The following STS variants were observed in gnomAD, a reference collection of about 807,000 sequenced individuals.
STS encodes steroid sulfatase.
In STS, 7 loss-of-function variants were observed where a neutral mutation model predicts 26.8. The ratio of observed to expected loss-of-function variants is 0.26; its 90% confidence interval spans 0.15 to 0.49. The LOEUF (loss-of-function observed/expected upper bound fraction) is 0.49. Ranked by LOEUF, STS falls within the 20% of genes least tolerant of loss-of-function variation. The pLI, the probability that STS is intolerant of heterozygous loss-of-function variation, is 0.98. For missense variants in STS, 434 were observed against 465.6 expected (o/e 0.93, Z 0.63); for synonymous variants, 199 against 189.4 (o/e 1.05, Z -0.42).
At chrX:7,260,894 T>A (rs1232573266) in intron 6 of STS, among the ~76,000 whole-genome samples, 2 of 111,910 alleles carry the variant, frequency 1.8e-5, no homozygotes, top group Non-Finnish European at 3.8e-5. Context: ...GAATGATGTC[T>A]CTTGGGTCTG....
chrX:7,335,215 C>G (rs780897399), intron 10 of STS, among the ~76,000 whole-genome samples: 8 of 110,070 alleles, frequency 7.3e-5, no homozygotes, highest in Middle Eastern at 4.7e-3. Context: ...CTAGTTTACA[C>G]TCCCACCAAC....
At chrX:7,260,859 C>T (rs1164077578) in intron 6 of STS, among the ~76,000 whole-genome samples, 1 of 111,872 alleles carries the variant, frequency 8.9e-6, no homozygotes, top group Admixed American at 9.5e-5. Context: ...AAAACAAAAA[C>T]CTCTGTGAGT....
intron 8 of STS, 101 bp from the exon 9 acceptor site, chrX:7,325,238 C>T (rs1448427712): frequency 9.7e-6 from 8 of 828,071 alleles, no homozygotes; most frequent in Non-Finnish European, 1.4e-5. Flanking sequence ...GTAATTAGAG[C>T]AGTTGGTTCT....
In STS at chrX:7,333,243, C is replaced by T. The variant is rs1354816921; in HGVS notation, c.1242-743C>T. On this transcript the variant is annotated intron_variant, in intron 9 of 10. Coordinates refer to ENST00000674429, the MANE Select transcript of STS (RefSeq NM_001320752.2). ...TAATGGTATCATGGCTTCAATTTCT[C>T]ATGTAGCTGTTAATTTATGTTTAAT... 5.3e-5 allele frequency among the ~76,000 whole-genome samples: 6 copies of T among 112,393 alleles called. No individual in the cohort carries two copies. In the Admixed American group the frequency reaches 5.6e-4, roughly 11 times the overall value.
At position 7,182,707 on chromosome X, in the gene STS, C is replaced by A. The variant is rs758902507; in HGVS notation, c.-133-8173C>A. Among the ~76,000 whole-genome samples, 10 of 110,915 alleles carry A rather than the reference C, an allele frequency of 9.0e-5. No individual in the cohort carries two copies. The South Asian group carries it at 3.9e-3, about 43-fold the overall frequency. The stretch of plus-strand genomic sequence containing the variant: ...TGACAAAAGACAGTGAGCTCCAAAT[C>A]AGCCTTGCCTTCCCTGTCTACCTCT... On this transcript the variant is annotated intron_variant, in intron 1 of 10. Transcript: ENST00000674429.
rs1039258892 is a variant in STS at position 7,204,234 on chromosome X, C to G, written c.-5+13226C>G. Among the ~76,000 whole-genome samples, 16 of 111,762 alleles carry G rather than the reference C, an allele frequency of 1.4e-4. 1 individual carries two copies. Among genetic ancestry groups the G allele is most frequent in the Non-Finnish European group, 2.6e-4 (14 of 53,123 alleles). On this transcript the variant is annotated intron_variant, in intron 2 of 10. Coordinates refer to ENST00000674429, the MANE Select transcript of STS (RefSeq NM_001320752.2). ...TCTAGTGTTTAATTTATTTTTTCTT[C>G]AAGTCTCCTACTTCTTAATTTTCTA...
chrX:7,339,221 T>A (rs1928172451), intron 10 of STS, among the ~76,000 whole-genome samples: 1 of 111,934 alleles, frequency 8.9e-6, no homozygotes, highest in Non-Finnish European at 1.9e-5. Flanking sequence ...ACTTGTCAGA[T>A]GCCCTTCCTC....
intron 2 of STS, among the ~76,000 whole-genome samples, chrX:7,240,515 G>A (rs1203289007): frequency 1.5e-4 from 2 of 13,752 alleles, no homozygotes; most frequent in African/African-American, 1.7e-4. Context: ...GTGTGTGTGT[G>A]TGTGTGTGTG....
intron 3 of STS, among the ~76,000 whole-genome samples, chrX:7,255,107 AAT>A (rs1244133533): frequency 8.9e-6 from 1 of 112,554 alleles, no homozygotes; most frequent in African/African-American, 3.2e-5. Flanking sequence ...GACATAGCCA[AAT>A]ATGTCTCACT....
At chrX:7,244,942 G>C (rs1287823884) in intron 2 of STS, among the ~76,000 whole-genome samples, 1 of 111,840 alleles carries the variant, frequency 8.9e-6, no homozygotes, top group Non-Finnish European at 1.9e-5. Context: ...TACATACTAA[G>C]CACCCAAAAA....
chrX:7,235,031 A>G (rs1922248607), intron 2 of STS, among the ~76,000 whole-genome samples: 1 of 111,745 alleles, frequency 8.9e-6, no homozygotes, highest in African/African-American at 3.3e-5. Context: ...CAGACTCCCC[A>G]GATTGTTTAG....
intron 2 of STS, among the ~76,000 whole-genome samples, chrX:7,230,396 G>A (rs1317803414): frequency 9.0e-6 from 1 of 111,499 alleles, no homozygotes; most frequent in Non-Finnish European, 1.9e-5. Flanking sequence ...TGTTCATAGC[G>A]GCATTATTCA....
chrX:7,179,047 T>C (rs1933630019), intron 1 of STS, among the ~76,000 whole-genome samples: 1 of 111,516 alleles, frequency 9.0e-6, no homozygotes, highest in African/African-American at 3.3e-5. Context: ...TGGCTTTCTC[T>C]AGTCCTCATG....
At chrX:7,292,032 A>T in intron 7 of STS, among the ~76,000 whole-genome samples, 1 of 112,428 alleles carries the variant, frequency 8.9e-6, no homozygotes, top group Non-Finnish European at 1.9e-5. Flanking sequence ...TAGAGAAAAC[A>T]AGCTTCTTTG....
At chrX:7,250,575 A>T (rs1251229588) in intron 2 of STS, among the ~76,000 whole-genome samples, 1 of 102,752 alleles carries the variant, frequency 9.7e-6, no homozygotes, top group Non-Finnish European at 2.0e-5. Flanking sequence ...GTTACTTTGC[A>T]TCAGCTTTAT....
intron 2 of STS, among the ~76,000 whole-genome samples, chrX:7,233,959 C>T (rs1285800787): frequency 4.5e-5 from 5 of 111,981 alleles, no homozygotes; most frequent in Admixed American, 9.5e-5. Context: ...ATATTGACAG[C>T]GCAGATGCTG....
At chrX:7,214,931 GTATATATA>G (rs1445039963) in intron 2 of STS, among the ~76,000 whole-genome samples, 1 of 91,876 alleles carries the variant, frequency 1.1e-5, no homozygotes, top group African/African-American at 4.0e-5. Flanking sequence ...GTGTGTGTGT[GTATATATA>G]TATACATATA....
intron 7 of STS, among the ~76,000 whole-genome samples, chrX:7,299,391 A>G (rs1353086315): frequency 9.9e-6 from 1 of 101,467 alleles, no homozygotes; most frequent in Non-Finnish European, 2.0e-5. Flanking sequence ...ATAAATTTAT[A>G]TAATATACGT....
intron 1 of STS, among the ~76,000 whole-genome samples, chrX:7,177,479 ATT>A (rs1368788755): frequency 1.9e-5 from 2 of 104,126 alleles, no homozygotes; most frequent in African/African-American, 7.1e-5. Flanking sequence ...ATATATATAT[ATT>A]TTTTTTTGGA....
Sources: gnomAD v4.1 joint callset for allele counts (sites outside exome capture counted in the v4.1 genomes callset) on GRCh38, gnomAD v4.1.1 for gene constraint, MANE v1.5 for transcripts, NCBI Gene and HGNC (gene_info 2026-07-23, HGNC 2026-07-21) for gene names.